The following PKD1L1 variants were observed in gnomAD, a reference collection of about 807,000 sequenced individuals.
The protein encoded by PKD1L1 is polycystin 1 like 1, transient receptor potential channel interacting, also known as polycystin-1-like protein 1.
Under a neutral mutation model 323.4 loss-of-function variants are expected in PKD1L1, and 236 were observed. The observed-to-expected ratio is 0.73, with a 90% CI of 0.66 to 0.81. PKD1L1 has a LOEUF of 0.81. Ranked by LOEUF, PKD1L1 falls within the 40% of genes least tolerant of loss-of-function variation. The probability of loss-of-function intolerance (pLI) is 0.00; values close to 1 mark genes in which losing one functional copy is unlikely to be tolerated. For synonymous variants in PKD1L1, 1,344 were observed against 1,335.0 expected (o/e 1.01, Z -0.15); for missense variants, 3,320 against 3,508.0 (o/e 0.95, Z 1.35).
intron 56 of PKD1L1, among the ~76,000 whole-genome samples, chr7:47,791,568 CT>C (rs1394323196): frequency 6.6e-6 from 1 of 151,844 alleles, no homozygotes; most frequent in Non-Finnish European, 1.5e-5. Context: ...TTCATCTTCA[CT>C]TTTGGTCATT....
chr7:47,909,115 A>C (rs186955827), intron 8 of PKD1L1, among the ~76,000 whole-genome samples: 14 of 152,364 alleles, frequency 9.2e-5, no homozygotes, highest in East Asian at 5.8e-4. Context: ...GCTTGTTAAC[A>C]CAGCAATAGA....
chr7:47,904,412 G>C lies in PKD1L1; in HGVS notation c.1897C>G (p.Leu633Val), dbSNP rs372850215. Residue 633 changes from leucine (L) to valine (V), a missense_variant, in exon 12 of 57, where the codon CTG (leucine) becomes GTG (valine). Transcript: ENST00000289672. The stretch of plus-strand genomic sequence containing the variant: ...ACATGGCTGCTGGAGCTGCTCCCCA[G>C]GCTGACGGTGCCATCCCCAAAGTCC... ...LWDFGDGTVS[L>V]GSSSSSHVYS... 1.9e-6 allele frequency: 3 copies of C among 1,614,118 alleles called. No individual in the cohort carries two copies. In the South Asian group the frequency reaches 3.3e-5, roughly 18 times the overall value.
chr7:47,948,254 C>T, intron 1 of PKD1L1, 143 bp downstream of exon 1: 3 of 923,574 alleles, frequency 3.2e-6, no homozygotes, highest in Admixed American at 2.1e-5. Context: ...ACCCCGCCGG[C>T]CAAATGCACC....
chr7:47,790,924 T>C (rs879685727), intron 56 of PKD1L1, among the ~76,000 whole-genome samples: 6 of 151,994 alleles, frequency 3.9e-5, no homozygotes, highest in Admixed American at 6.6e-5. Context: ...TTTGGAGAGA[T>C]AGGGCTTCAC....
chr7:47,943,159 AAAAAATATAT>A (rs1432422331), intron 2 of PKD1L1, among the ~76,000 whole-genome samples: 863 of 73,414 alleles, frequency 0.012, 5 homozygotes, highest in East Asian at 0.022. Context: ...AAAAAAAAAA[AAAAAATATAT>A]ATATATATAT....
At chr7:47,862,427 C>T (rs964138053) in intron 26 of PKD1L1, among the ~76,000 whole-genome samples, 10 of 152,246 alleles carry the variant, frequency 6.6e-5, no homozygotes, top group East Asian at 5.8e-4. Flanking sequence ...ATCCAGCCCC[C>T]GTTCCTGTAT....
intron 2 of PKD1L1, among the ~76,000 whole-genome samples, chr7:47,941,781 G>A (rs765893673): frequency 9.2e-5 from 14 of 152,072 alleles, no homozygotes; most frequent in Non-Finnish European, 1.3e-4. Flanking sequence ...AGTCATCAAA[G>A]TCACTGTGCT....
At chr7:47,921,799 A>G (rs189100064) in intron 7 of PKD1L1, among the ~76,000 whole-genome samples, 88 of 152,302 alleles carry the variant, frequency 5.8e-4, no homozygotes, top group South Asian at 2.1e-3. Flanking sequence ...ATGGAAAACC[A>G]AACATCGTAT....
At chr7:47,887,937 T>G (rs1786719208) in intron 17 of PKD1L1, 53 bp downstream of exon 17, 1 of 1,541,208 alleles carries the variant, frequency 6.5e-7, no homozygotes, top group Admixed American at 1.8e-5. Flanking sequence ...AATCTCACAA[T>G]AACCCTGAGT....
chr7:47,822,083 C>T (rs898542945), intron 45 of PKD1L1, among the ~76,000 whole-genome samples: 1 of 152,144 alleles, frequency 6.6e-6, no homozygotes, highest in Non-Finnish European at 1.5e-5. Context: ...TAAGTCTATT[C>T]CTGTGTTCTC....
intron 44 of PKD1L1, 47 bp downstream of exon 44, chr7:47,829,378 G>A (rs1177098274): frequency 1.3e-6 from 2 of 1,506,844 alleles, no homozygotes; most frequent in Admixed American, 2.1e-5. Context: ...AGAATATAAA[G>A]TAGTTTTTTA....
chr7:47,898,189 C>G lies in PKD1L1; in HGVS notation c.2070G>C (p.Trp690Cys). Residue 690 changes from tryptophan to cysteine, a missense_variant, in exon 14 of 57, where the codon TGG becomes TGC. Coordinates refer to ENST00000289672, the MANE Select transcript of PKD1L1 (RefSeq NM_138295.5). The stretch of plus-strand genomic sequence containing the variant: ...CTCCCAGCCTCACAGGCTGAGACCT[C>G]CATATCTAAGTATCAAGAAGAGAAG... ...KNMGPGKVQI[W>C]RSQPVRLGVT... 8 of 1,612,858 alleles carry G rather than the reference C, an allele frequency of 5.0e-6. No individual in the cohort carries two copies. The highest frequency in any genetic ancestry group is 6.8e-6 in the Non-Finnish European group (8 of 1,179,026).
At chr7:47,918,483 AC>A (rs1345825671) in intron 7 of PKD1L1, among the ~76,000 whole-genome samples, 4 of 152,010 alleles carry the variant, frequency 2.6e-5, no homozygotes, top group African/African-American at 9.7e-5. Flanking sequence ...AAAAAAAAAA[AC>A]AATGGATTTA....
chr7:47,936,939 C>T lies in PKD1L1; in HGVS notation c.305G>A (p.Ser102Asn). The T allele has an allele frequency of 7.5e-6, 12 of 1,610,504 alleles. No homozygotes were observed. The highest frequency in any genetic ancestry group is 6.8e-6 in the Non-Finnish European group (8 of 1,179,214). ...SRQKNIWKTT[S>N]EAALSVVNEK... ...ATTAACAACACTTAACGCTGCTTCA[C>T]TAGTTGTTTTCCAAATGTTCTGTAA... Residue 102 changes from serine to asparagine, a missense_variant, in exon 4 of 57, where the codon AGT (serine) becomes AAT (asparagine). Transcript: ENST00000289672.
chr7:47,943,497 G>T lies in PKD1L1; in HGVS notation c.59C>A (p.Ala20Asp). Residue 20 changes from alanine to aspartate, a missense_variant, in exon 2 of 57, where the codon GCC (alanine) becomes GAC (aspartate). By Grantham distance (126) the Ala-to-Asp change is moderately radical (BLOSUM62 -2). Transcript: ENST00000289672. ...SDDQERCLQAACCLSFGGELS... is the reference protein window; with the variant it reads ...SDDQERCLQADCCLSFGGELS... ...CTCACCACCAAAGGAAAGGCAGCAGGCAGCCTGGAGACACCTAAGGGAAAG... is the reference window on the plus strand; with the variant it reads ...CTCACCACCAAAGGAAAGGCAGCAGTCAGCCTGGAGACACCTAAGGGAAAG... 6.2e-7 allele frequency: 1 copy of T among 1,612,638 alleles called. No homozygotes were observed. The highest frequency in any genetic ancestry group is 8.5e-7 in the Non-Finnish European group (1 of 1,179,064).
Position 47,886,135 on chromosome 7 carries a change from G to A in PKD1L1, c.2837-81C>T, listed in dbSNP as rs1401186654. 30 of 1,489,498 alleles carry A rather than the reference G, an allele frequency of 2.0e-5. No individual in the cohort carries two copies. The South Asian group carries it at 2.6e-4, about 13-fold the overall frequency. The allele number at this position is 1,489,498 out of a possible 1,614,324, so 92.3% of individuals were successfully genotyped here. A position where few individuals can be genotyped will look rare whatever the true frequency, so the allele number is the denominator to read the frequency against. Reference sequence around the variant, plus strand: ...CTTAAAAAGTCTACAGACTATGTAAGGATGCTATATTATAAACAAATCTGT... The same window carrying A: ...CTTAAAAAGTCTACAGACTATGTAAAGATGCTATATTATAAACAAATCTGT... On this transcript the variant is annotated intron_variant, in intron 17 of 56. Coordinates refer to ENST00000289672, the MANE Select transcript of PKD1L1 (RefSeq NM_138295.5).
intron 4 of PKD1L1, among the ~76,000 whole-genome samples, chr7:47,935,009 C>T (rs1016916656): frequency 1.1e-4 from 16 of 152,164 alleles, no homozygotes; most frequent in African/African-American, 3.6e-4. Flanking sequence ...AGGGAGACCC[C>T]ACTCTGCTCT....
At chr7:47,802,431 G>A (rs17710675) in intron 53 of PKD1L1, among the ~76,000 whole-genome samples, 9,297 of 152,168 alleles carry the variant, frequency 0.061, 418 homozygotes, top group East Asian at 0.2. Context: ...TCTCAGGTTC[G>A]TTCTCTCTGC....
chr7:47,899,955 C>CAAAAAAAA (rs10639721), intron 13 of PKD1L1, among the ~76,000 whole-genome samples: 1 of 106,514 alleles, frequency 9.4e-6, no homozygotes, highest in Non-Finnish European at 1.8e-5. Flanking sequence ...GACTCCATCC[C>CAAAAAAAA]AAAAAAAAAA....
Sources: gnomAD v4.1 joint callset for allele counts (sites outside exome capture counted in the v4.1 genomes callset) on GRCh38, gnomAD v4.1.1 for gene constraint, MANE v1.5 for transcripts, NCBI Gene and HGNC (gene_info 2026-07-23, HGNC 2026-07-21) for gene names.